The following DNAH14 variants were observed in gnomAD, a reference collection of about 807,000 sequenced individuals.
The protein encoded by DNAH14 is dynein axonemal heavy chain 14.
A neutral mutation model predicts 520.9 loss-of-function variants in DNAH14; 478 were observed. The ratio of observed to expected loss-of-function variants is 0.92; its 90% CI spans 0.85 to 0.99. The LOEUF (loss-of-function observed/expected upper bound fraction) is 0.99. DNAH14 is among the 50% of genes least tolerant of loss of function. The pLI is 0.00. For missense variants in DNAH14, 4,831 were observed against 5,234.5 expected, an observed-to-expected ratio of 0.92 and a Z score of 2.38; for synonymous variants, 1,581 against 1,757.2, an observed-to-expected ratio of 0.90 and a Z score of 2.51.
At chr1:225,345,749 G>A (rs980660259) in intron 69 of DNAH14, among the ~76,000 whole-genome samples, 21 of 152,014 alleles carry the variant, frequency 1.4e-4, no homozygotes, top group Admixed American at 9.2e-4. Context: ...AAGAGATGAC[G>A]GAGTGGGAAG....
In DNAH14 at chr1:225,324,248, A is replaced by G; in HGVS notation, c.9522A>G (p.Val3174=). The G allele has an allele frequency of 1.9e-6, 3 of 1,551,688 alleles. No homozygotes were observed. Among genetic ancestry groups the G allele is most frequent in the Non-Finnish European group, 1.7e-6 (2 of 1,146,994 alleles). Reference sequence around the variant, plus strand: ...TTTTCGTGAAGCTAAAAAAAATTGTAACCTTACCTGATTTCAACCCACACA... The same window carrying G: ...TTTTCGTGAAGCTAAAAAAAATTGTGACCTTACCTGATTTCAACCCACACA... ...DKVFVKLKKI[V]TLPDFNPHKI... Residue 3174 remains valine (V), a synonymous_variant, in exon 63 of 86, where the codon GTA becomes GTG. Coordinates refer to ENST00000682510, the MANE Select transcript of DNAH14 (RefSeq NM_001367479.1).
chr1:225,387,119 G>C (rs1336904583), intron 81 of DNAH14, among the ~76,000 whole-genome samples: 1 of 151,934 alleles, frequency 6.6e-6, no homozygotes, highest in East Asian at 1.9e-4. Context: ...CCATCATTCT[G>C]AGCAAACTAT....
chr1:225,020,622 A>G (rs1480836358), intron 10 of DNAH14, among the ~76,000 whole-genome samples: 5 of 152,170 alleles, frequency 3.3e-5, no homozygotes, highest in African/African-American at 1.2e-4. Flanking sequence ...CCAGGAAGAA[A>G]TTGAAATCCT....
At chr1:225,369,625 A>G (rs1013868843) in intron 77 of DNAH14, among the ~76,000 whole-genome samples, 8 of 152,148 alleles carry the variant, frequency 5.3e-5, no homozygotes, top group Admixed American at 5.2e-4. Context: ...TATAAGATGA[A>G]TAGAATAATG....
chr1:225,318,455 TA>T, intron 60 of DNAH14, 127 bp from the exon 61 acceptor site: 1 of 810,552 alleles, frequency 1.2e-6, no homozygotes, highest in Non-Finnish European at 1.9e-6. Flanking sequence ...ATCTAAGTCA[TA>T]AAAGATGCAT....
intron 20 of DNAH14, among the ~76,000 whole-genome samples, 152 bp from the exon 21 acceptor site, chr1:225,085,392 A>G (rs546834097): frequency 1.3e-5 from 2 of 152,372 alleles, no homozygotes; most frequent in Admixed American, 6.5e-5. Flanking sequence ...AGGTTAGACC[A>G]TGAAGTTGCT....
chr1:225,350,027 A>G (rs565659647), intron 71 of DNAH14, among the ~76,000 whole-genome samples: 2 of 152,294 alleles, frequency 1.3e-5, no homozygotes, highest in African/African-American at 4.8e-5. Flanking sequence ...AACATTCCCC[A>G]GATAGACCAC....
chr1:225,325,346 G>A (rs1407006273), intron 64 of DNAH14, among the ~76,000 whole-genome samples: 4 of 151,822 alleles, frequency 2.6e-5, no homozygotes, highest in African/African-American at 4.8e-5. Flanking sequence ...TTAGCTGGGC[G>A]TGGTGGCAGG....
chr1:225,150,473 A>G (rs1288242569), intron 31 of DNAH14, among the ~76,000 whole-genome samples: 3 of 152,170 alleles, frequency 2.0e-5, no homozygotes, highest in African/African-American at 7.2e-5. Context: ...GAATGGTACC[A>G]GCCAGCTCTT....
chr1:225,213,769 CTT>C (rs2088832123), intron 41 of DNAH14, among the ~76,000 whole-genome samples: 1 of 152,156 alleles, frequency 6.6e-6, no homozygotes, highest in Non-Finnish European at 1.5e-5. Flanking sequence ...TATTGTGAGA[CTT>C]TGCTGAAGTT....
intron 46 of DNAH14, among the ~76,000 whole-genome samples, chr1:225,261,198 G>A (rs1008170131): frequency 6.6e-6 from 1 of 152,218 alleles, no homozygotes; most frequent in South Asian, 2.1e-4. Context: ...AGTGAGAGTG[G>A]GTATCCTTGT....
chr1:225,217,779 G>A (rs370758622), intron 41 of DNAH14, among the ~76,000 whole-genome samples: 2 of 152,210 alleles, frequency 1.3e-5, no homozygotes, highest in African/African-American at 2.4e-5. Context: ...GGAGTGTCCC[G>A]ATTTTCCAGG....
At chr1:225,215,485 C>A (rs1397183071) in intron 41 of DNAH14, among the ~76,000 whole-genome samples, 1 of 152,168 alleles carries the variant, frequency 6.6e-6, no homozygotes, top group African/African-American at 2.4e-5. Flanking sequence ...TCTCGTTGAT[C>A]TGTCTAATGT....
At position 225,314,725 on chromosome 1, in the gene DNAH14, G is replaced by C. The variant is rs935912836; in HGVS notation, c.9241-3858G>C. ...TAGCTTGGCTGGATATGAAATTCTTGGTTGAAAATTATTTTCTTTAAGAAG... is the reference window on the plus strand; with the variant it reads ...TAGCTTGGCTGGATATGAAATTCTTCGTTGAAAATTATTTTCTTTAAGAAG... On this transcript the variant is annotated intron_variant, in intron 60 of 85. Coordinates refer to ENST00000682510, the MANE Select transcript of DNAH14 (RefSeq NM_001367479.1). Among the ~76,000 whole-genome samples the C allele has an allele frequency of 2.0e-5, 3 of 152,212 alleles. No individual in the cohort carries two copies. In the East Asian group the frequency reaches 5.8e-4, roughly 29 times the overall value.
At chr1:225,064,775 G>A (rs1260661829) in intron 17 of DNAH14, among the ~76,000 whole-genome samples, 1 of 151,970 alleles carries the variant, frequency 6.6e-6, no homozygotes, top group Non-Finnish European at 1.5e-5. Flanking sequence ...GTTGGGAGGA[G>A]ATTGGGATGG....
intron 17 of DNAH14, among the ~76,000 whole-genome samples, chr1:225,071,031 C>T (rs1389637213): frequency 4.6e-5 from 7 of 152,044 alleles, no homozygotes; most frequent in South Asian, 2.1e-4. Flanking sequence ...CCATTTGCTT[C>T]GTAGATTTTC....
intron 84 of DNAH14, chr1:225,395,810 T>G (rs2096003938): frequency 6.6e-6 from 1 of 151,962 alleles, no homozygotes; most frequent in African/African-American, 2.4e-5. Context: ...TGGGAGGAGG[T>G]GGTGGACACT....
At chr1:225,212,919 C>A (rs565235107) in intron 41 of DNAH14, among the ~76,000 whole-genome samples, 1 of 152,190 alleles carries the variant, frequency 6.6e-6, no homozygotes, top group African/African-American at 2.4e-5. Flanking sequence ...TTAATTAGAT[C>A]CCATTTGTCA....
At position 225,345,837 on chromosome 1, in the gene DNAH14, G is replaced by A. The variant is rs144544876; in HGVS notation, c.10679-125G>A. 2,716 of 694,722 alleles carry A rather than the reference G, an allele frequency of 3.9e-3. 18 individuals carry two copies. Among genetic ancestry groups the A allele is most frequent in the East Asian group, 0.016 (568 of 35,328 alleles). The allele number at this position is 694,722 out of a possible 1,614,324, so 43.0% of individuals were successfully genotyped here. ...ATTACCTAACTTCATTTAAGAGCCC[G>A]TCTCTGACATAAAGCCAATAAGAAG... On this transcript the variant is annotated intron_variant, in intron 69 of 85. Transcript: ENST00000682510.
Sources: allele counts gnomAD v4.1 joint callset (sites outside exome capture counted in the v4.1 genomes callset), GRCh38; gene constraint gnomAD v4.1.1; transcripts MANE v1.5; gene names NCBI Gene and HGNC (gene_info 2026-07-23, HGNC 2026-07-21).